TMEM178B: variants seen among roughly 807,000 people sequenced by gnomAD.
TMEM178B encodes transmembrane protein 178B.
In TMEM178B, 5 loss-of-function variants were observed where a neutral mutation model predicts 31.0. The observed-to-expected ratio is 0.16, with a 90% confidence interval of 0.08 to 0.34. The LOEUF (loss-of-function observed/expected upper bound fraction) is 0.34. TMEM178B is among the 10% of genes least tolerant of loss of function. TMEM178B has a pLI of 1.00. For missense variants in TMEM178B, 275 were observed against 400.3 expected, an observed-to-expected ratio of 0.69 and a Z score of 2.67; for synonymous variants, 164 against 164.0, an observed-to-expected ratio of 1.00 and a Z score of 0.00.
At chr7:141,440,365 C>G (rs1206504384) in intron 3 of TMEM178B, among the ~76,000 whole-genome samples, 4 of 152,180 alleles carry the variant, frequency 2.6e-5, no homozygotes, top group Admixed American at 2.6e-4. Context: ...TGCTGGGACC[C>G]CACTCCAGAC....
At chr7:141,166,883 C>T (rs903709944) in intron 1 of TMEM178B, among the ~76,000 whole-genome samples, 1 of 152,204 alleles carries the variant, frequency 6.6e-6, no homozygotes, top group Non-Finnish European at 1.5e-5. Context: ...AAGTTTGATA[C>T]CCACAGATTC....
intron 2 of TMEM178B, among the ~76,000 whole-genome samples, chr7:141,277,358 C>T (rs192409863): frequency 6.6e-6 from 1 of 152,098 alleles, no homozygotes; most frequent in East Asian, 1.9e-4. Flanking sequence ...GATACACATA[C>T]ATTAGCCTAG....
At chr7:141,325,723 T>A (rs1799178141) in intron 2 of TMEM178B, among the ~76,000 whole-genome samples, 1 of 152,138 alleles carries the variant, frequency 6.6e-6, no homozygotes, top group African/African-American at 2.4e-5. Flanking sequence ...CCCTCCTCCA[T>A]TTTTCCTGAG....
rs115772679 is a variant in TMEM178B at position 141,388,805 on chromosome 7, A to G, written c.497-48803A>G. Among the ~76,000 whole-genome samples the G allele has an allele frequency of 7.4e-3, 1,121 of 152,116 alleles. 22 individuals carry two copies. Among genetic ancestry groups the G allele is most frequent in the African/African-American group, 0.024 (1,007 of 41,454 alleles). On this transcript the variant is annotated intron_variant, in intron 2 of 3. Transcript: ENST00000565468. ...TGATTTATATAGGGTCAGAAGACTT[A>G]CTCTCATTTCCAAAGATCTACATAC...
chr7:141,192,490 CTTTT>C (rs10582858), intron 1 of TMEM178B, among the ~76,000 whole-genome samples: 16 of 142,122 alleles, frequency 1.1e-4, no homozygotes, highest in Admixed American at 6.9e-5. Flanking sequence ...ATGCAGCGGT[CTTTT>C]TTTTTTTTTT....
intron 1 of TMEM178B, among the ~76,000 whole-genome samples, chr7:141,156,057 T>A (rs1796065072): frequency 6.6e-6 from 1 of 152,064 alleles, no homozygotes. Flanking sequence ...AGGGTGAGAC[T>A]CCATCTCAAA....
At chr7:141,399,879 T>A (rs1027926636) in intron 2 of TMEM178B, among the ~76,000 whole-genome samples, 6 of 152,102 alleles carry the variant, frequency 3.9e-5, no homozygotes, top group Non-Finnish European at 8.8e-5. Context: ...TTTTCATTGC[T>A]CCTCCCTTTC....
intron 2 of TMEM178B, among the ~76,000 whole-genome samples, chr7:141,310,671 G>A (rs1798893699): frequency 6.6e-6 from 1 of 152,164 alleles, no homozygotes; most frequent in Non-Finnish European, 1.5e-5. Context: ...TGGCGAGGCT[G>A]TGGACAAATA....
At chr7:141,083,066 T>C (rs1040230443) in intron 1 of TMEM178B, among the ~76,000 whole-genome samples, 1 of 152,148 alleles carries the variant, frequency 6.6e-6, no homozygotes, top group African/African-American at 2.4e-5. Flanking sequence ...CTAAACACAC[T>C]TGGGTTAGTT....
chr7:141,335,280 G>A (rs1418313646), intron 2 of TMEM178B, among the ~76,000 whole-genome samples: 1 of 152,208 alleles, frequency 6.6e-6, no homozygotes, highest in Non-Finnish European at 1.5e-5. Context: ...TCCTCCAAGA[G>A]AGTTCCTGAC....
chr7:141,371,329 T>C (rs1379118841), intron 2 of TMEM178B, among the ~76,000 whole-genome samples: 1 of 151,926 alleles, frequency 6.6e-6, no homozygotes, highest in Non-Finnish European at 1.5e-5. Context: ...CCCACCTCTC[T>C]TTCTTCCTCT....
intron 2 of TMEM178B, among the ~76,000 whole-genome samples, chr7:141,327,379 C>T (rs968233346): frequency 3.9e-5 from 6 of 152,234 alleles, no homozygotes; most frequent in Admixed American, 3.3e-4. Context: ...AGAGGGTTCC[C>T]ATATATTCCT....
chr7:141,304,315 G>T (rs1351265421), intron 2 of TMEM178B, among the ~76,000 whole-genome samples: 1 of 152,176 alleles, frequency 6.6e-6, no homozygotes, highest in Non-Finnish European at 1.5e-5. Context: ...GGGGTGGGCA[G>T]AGTGGTCACA....
At chr7:141,443,573 T>C (rs1801699770) in intron 3 of TMEM178B, among the ~76,000 whole-genome samples, 1 of 152,220 alleles carries the variant, frequency 6.6e-6, no homozygotes. Context: ...AAAATGCCAT[T>C]TTCATCACAT....
At chr7:141,212,819 A>G in intron 2 of TMEM178B, 115 bp downstream of exon 2, 1 of 814,888 alleles carries the variant, frequency 1.2e-6, no homozygotes, top group South Asian at 1.8e-5. Flanking sequence ...GAACATTGAG[A>G]TGGTTCCATA....
At chr7:141,185,701 C>T (rs911991975) in intron 1 of TMEM178B, among the ~76,000 whole-genome samples, 2 of 152,006 alleles carry the variant, frequency 1.3e-5, no homozygotes, top group Non-Finnish European at 2.9e-5. Flanking sequence ...AGGCCAGGGT[C>T]GTCTTGGAAA....
intron 1 of TMEM178B, among the ~76,000 whole-genome samples, chr7:141,075,497 A>C (rs1286290584): frequency 6.6e-6 from 1 of 152,266 alleles, no homozygotes; most frequent in African/African-American, 2.4e-5. Context: ...TGATACTTTA[A>C]TATGATCACA....
intron 2 of TMEM178B, among the ~76,000 whole-genome samples, chr7:141,291,223 G>T (rs184331980): frequency 6.6e-6 from 1 of 152,214 alleles, no homozygotes; most frequent in East Asian, 1.9e-4. Context: ...TTCTGTACTC[G>T]ATTACCTCAA....
At chr7:141,122,878 A>G (rs1795432274) in intron 1 of TMEM178B, among the ~76,000 whole-genome samples, 1 of 152,184 alleles carries the variant, frequency 6.6e-6, no homozygotes, top group East Asian at 1.9e-4. Context: ...GTTTGCTTCC[A>G]TAGCCAAACA....
Sources: gnomAD v4.1 joint callset for allele counts (sites outside exome capture counted in the v4.1 genomes callset) on GRCh38, gnomAD v4.1.1 for gene constraint, MANE v1.5 for transcripts, NCBI Gene and HGNC (gene_info 2026-07-23, HGNC 2026-07-21) for gene names.